The following KCNJ3 variants were observed in gnomAD, a reference collection of about 807,000 sequenced individuals.
KCNJ3 encodes G protein-activated inward rectifier potassium channel 1.
Under a neutral mutation model 39.2 loss-of-function variants are expected in KCNJ3, and 4 were observed. That is an observed-to-expected ratio of 0.10 (90% CI 0.05 to 0.23). The LOEUF is 0.23. Among genes scored for constraint, KCNJ3 ranks in the 10% least tolerant of loss-of-function variants. The probability of loss-of-function intolerance (pLI) is 1.00; values close to 1 mark genes in which losing one functional copy is unlikely to be tolerated. For missense variants in KCNJ3, 276 were observed against 634.9 expected, an observed-to-expected ratio of 0.43 and a Z score of 6.08; for synonymous variants, 230 against 237.4, an observed-to-expected ratio of 0.97 and a Z score of 0.29.
intron 2 of KCNJ3, among the ~76,000 whole-genome samples, chr2:154,758,322 C>T (rs1175155929): frequency 6.6e-6 from 1 of 152,114 alleles, no homozygotes; most frequent in Admixed American, 6.6e-5. Context: ...GACAAACATA[C>T]AACATAGTAC....
At chr2:154,758,357 G>A (rs1685978681) in intron 2 of KCNJ3, among the ~76,000 whole-genome samples, 2 of 152,078 alleles carry the variant, frequency 1.3e-5, no homozygotes, top group Admixed American at 1.3e-4. Context: ...ATCTGTAAGG[G>A]ATTGCTATGA....
At chr2:154,782,300 T>A (rs1229855299) in intron 2 of KCNJ3, among the ~76,000 whole-genome samples, 1 of 152,182 alleles carries the variant, frequency 6.6e-6, no homozygotes, top group African/African-American at 2.4e-5. Context: ...AAAATGGGGA[T>A]AATAATAATG....
chr2:154,707,208 G>C (rs1315869298), intron 1 of KCNJ3, among the ~76,000 whole-genome samples: 1 of 152,026 alleles, frequency 6.6e-6, no homozygotes, highest in Admixed American at 6.6e-5. Context: ...TCGTATAATA[G>C]GAAGACCTGG....
chr2:154,790,887 C>A (rs1221793706), intron 2 of KCNJ3, among the ~76,000 whole-genome samples: 1 of 151,908 alleles, frequency 6.6e-6, no homozygotes, highest in Admixed American at 6.6e-5. Context: ...GGAGAGACCC[C>A]CAGAAAGGGG....
chr2:154,837,573 T>G (rs1480819579), intron 2 of KCNJ3, among the ~76,000 whole-genome samples: 1 of 152,190 alleles, frequency 6.6e-6, no homozygotes, highest in Non-Finnish European at 1.5e-5. Flanking sequence ...TGACTTCACC[T>G]GTGCTAACAT....
chr2:154,810,645 C>T (rs1686993657), intron 2 of KCNJ3, among the ~76,000 whole-genome samples: 1 of 151,958 alleles, frequency 6.6e-6, no homozygotes, highest in Non-Finnish European at 1.5e-5. Flanking sequence ...TTAAGTGGTA[C>T]CATAACAGTT....
intron 2 of KCNJ3, among the ~76,000 whole-genome samples, chr2:154,736,301 CAG>C (rs1187494267): frequency 7.6e-6 from 1 of 132,188 alleles, no homozygotes; most frequent in Non-Finnish European, 1.6e-5. Context: ...CTCAAGGAAA[CAG>C]AATTATGTGC....
intron 2 of KCNJ3, among the ~76,000 whole-genome samples, chr2:154,758,751 G>T (rs573635185): frequency 6.6e-6 from 1 of 152,114 alleles, no homozygotes; most frequent in Non-Finnish European, 1.5e-5. Context: ...AAGGGAGAAA[G>T]CTTCTTTTGT....
At chr2:154,743,823 T>C (rs997512059) in intron 2 of KCNJ3, among the ~76,000 whole-genome samples, 5 of 151,560 alleles carry the variant, frequency 3.3e-5, no homozygotes, top group African/African-American at 1.2e-4. Flanking sequence ...TCTGTTTTTG[T>C]TTTTGTTTTT....
intron 2 of KCNJ3, among the ~76,000 whole-genome samples, chr2:154,793,176 T>TGC (rs1190861837): frequency 6.6e-6 from 1 of 152,074 alleles, no homozygotes; most frequent in African/African-American, 2.4e-5. Context: ...TCATGGAAAG[T>TGC]GCAAGCATAG....
At chr2:154,751,811 G>T (rs1685849433) in intron 2 of KCNJ3, among the ~76,000 whole-genome samples, 1 of 151,934 alleles carries the variant, frequency 6.6e-6, no homozygotes, top group African/African-American at 2.4e-5. Flanking sequence ...CTTATTGATG[G>T]ACTCTTCTCC....
At chr2:154,778,846 G>A (rs187133713) in intron 2 of KCNJ3, among the ~76,000 whole-genome samples, 3 of 152,076 alleles carry the variant, frequency 2.0e-5, no homozygotes, top group South Asian at 2.1e-4. Context: ...CTATGGGGAT[G>A]TAGAAAAACT....
At chr2:154,816,554 A>G (rs534398633) in intron 2 of KCNJ3, among the ~76,000 whole-genome samples, 1 of 152,308 alleles carries the variant, frequency 6.6e-6, no homozygotes, top group Admixed American at 6.5e-5. Flanking sequence ...ACTGGTGAAA[A>G]CAGAAAAGCA....
intron 2 of KCNJ3, among the ~76,000 whole-genome samples, chr2:154,752,456 GA>G (rs1351635067): frequency 1.3e-5 from 2 of 151,928 alleles, no homozygotes; most frequent in African/African-American, 4.8e-5. Context: ...AAAACTTGAT[GA>G]AATTGAGAGA....
chr2:154,799,723 G>C (rs771939821), intron 2 of KCNJ3, among the ~76,000 whole-genome samples: 7 of 152,114 alleles, frequency 4.6e-5, no homozygotes, highest in Non-Finnish European at 7.3e-5. Flanking sequence ...CCTCCTGTGT[G>C]TGTGCAGCCT....
At chr2:154,702,197 C>A (rs529030346) in intron 1 of KCNJ3, among the ~76,000 whole-genome samples, 1 of 152,046 alleles carries the variant, frequency 6.6e-6, no homozygotes, top group South Asian at 2.1e-4. Flanking sequence ...CTCCATTTAA[C>A]AATTTAAATG....
At position 154,857,399 on chromosome 2, in the gene KCNJ3, T is replaced by C. The variant is rs1313220588; in HGVS notation, c.*2086T>C. The C allele has an allele frequency of 6.6e-6, 1 of 151,830 alleles. No individual in the cohort carries two copies. The highest frequency in any genetic ancestry group is 1.5e-5 in the Non-Finnish European group (1 of 68,018). The allele number at this position is 151,830 out of a possible 1,614,324, so 9.4% of individuals were successfully genotyped here. ...CGGAACCAAAAACAAACTCTCCAAG[T>C]ATATTCACACATTCAACAAAATTTT... On this transcript the variant is annotated 3_prime_UTR_variant, in exon 3 of 3. Transcript: ENST00000295101.
At chr2:154,813,099 C>G (rs1488671720) in intron 2 of KCNJ3, among the ~76,000 whole-genome samples, 1 of 152,180 alleles carries the variant, frequency 6.6e-6, no homozygotes, top group East Asian at 1.9e-4. Flanking sequence ...GTAGCTAGAA[C>G]TCACTCCTAA....
rs1159870007 is a variant in KCNJ3, at chr2:154,856,267, G to A, written c.*954G>A. The A allele has an allele frequency of 2.0e-5, 3 of 152,484 alleles. No individual in the cohort carries two copies. The highest frequency in any genetic ancestry group is 4.4e-5 in the Non-Finnish European group (3 of 67,974). 9.4% of individuals were successfully genotyped at this position (152,484 alleles called of 1,614,324 possible). The stretch of plus-strand genomic sequence containing the variant: ...GAACAAACACTGAATCATGTTAATA[G>A]ACAGTAGCCAAGTTATATTGAATAT... On this transcript the variant is annotated 3_prime_UTR_variant, in exon 3 of 3. Coordinates refer to ENST00000295101, the MANE Select transcript of KCNJ3 (RefSeq NM_002239.4).
Sources: gnomAD v4.1 joint callset for allele counts (sites outside exome capture counted in the v4.1 genomes callset) on GRCh38, gnomAD v4.1.1 for gene constraint, MANE v1.5 for transcripts, NCBI Gene and HGNC (gene_info 2026-07-23, HGNC 2026-07-21) for gene names.